KLC2: variants seen among roughly 807,000 people sequenced by gnomAD.
The protein encoded by KLC2 is kinesin light chain 2.
KLC2 carries 35 observed loss-of-function variants against 75.1 expected under a neutral mutation model. The observed-to-expected ratio is 0.47, with a 90% confidence interval of 0.36 to 0.62. The LOEUF (loss-of-function observed/expected upper bound fraction) is 0.62. Ranked by LOEUF, KLC2 falls within the 20% of genes least tolerant of loss-of-function variation. KLC2 has a pLI of 0.00. For missense variants in KLC2, 611 were observed against 833.2 expected (o/e 0.73, Z 3.28); for synonymous variants, 314 against 336.7 (o/e 0.93, Z 0.74).
chr11:66,261,559 A>G (rs1856419618), intron 2 of KLC2, 183 bp from the exon 3 acceptor site: 4 of 582,272 alleles, frequency 6.9e-6, no homozygotes, highest in Non-Finnish European at 9.2e-6. Flanking sequence ...TGGGCTTTGC[A>G]TTATGGTGTG....
chr11:66,266,035 G>A, intron 13 of KLC2, 23 bp downstream of exon 13: 1 of 1,613,512 alleles, frequency 6.2e-7, no homozygotes, highest in South Asian at 1.1e-5. Flanking sequence ...CCTGGGCCGG[G>A]TCGGGCTGGG....
chr11:66,250,291 CATT>C, the KLC2 span, among the ~76,000 whole-genome samples: 1,176 of 144,270 alleles, frequency 8.2e-3, 12 homozygotes, highest in African/African-American at 0.026. Flanking sequence ...CCGCCGGACT[CATT>C]GTTGCAGTAT....
chr11:66,257,529 A>C (rs1447498956), upstream of KLC2: 3 of 152,096 alleles, frequency 2.0e-5, no homozygotes, highest in Non-Finnish European at 2.9e-5. Context: ...CCACACGCTG[A>C]GGCCCCGCGG....
At chr11:66,255,671 A>G (rs183509057), upstream of KLC2, among the ~76,000 whole-genome samples, 2 of 152,314 alleles carry the variant, frequency 1.3e-5, no homozygotes, top group East Asian at 3.9e-4. Flanking sequence ...AAGAAACAAC[A>G]GAAGTTGCTT....
At chr11:66,247,626 CTT>C in the KLC2 span, among the ~76,000 whole-genome samples, 2 of 147,296 alleles carry the variant, frequency 1.4e-5, no homozygotes, top group Admixed American at 6.8e-5. Context: ...TCCAACCCCT[CTT>C]TTTTTTTTTT....
At position 66,262,921 on chromosome 11, in the gene KLC2, C is replaced by T. The variant is rs781231869; in HGVS notation, c.637C>T (p.Arg213Cys). Residue 213 changes from arginine (R) to cysteine (C), a missense_variant, in exon 5 of 16, where the codon CGC (arginine) becomes TGC (cysteine). By Grantham distance (180) the Arg-to-Cys change is radical (BLOSUM62 -3). Coordinates refer to ENST00000394067, the MANE Select transcript of KLC2 (RefSeq NM_001318734.2). ...GGTGATCCAATACGCCTCACAGGGC[C>T]GCTACGAGGTAGCTGTGCCACTCTG... The part of the protein sequence containing the change: ...NLVIQYASQG[R>C]YEVAVPLCKQ... 7.4e-6 allele frequency: 12 copies of T among 1,613,934 alleles called. No homozygotes were observed. Among genetic ancestry groups the T allele is most frequent in the South Asian group, 2.2e-5 (2 of 91,062 alleles).
chr11:66,262,485 A>T (rs1450573485), intron 4 of KLC2: 2 of 548,658 alleles, frequency 3.6e-6, no homozygotes, highest in Non-Finnish European at 6.5e-6. Flanking sequence ...CCTCTGAAGG[A>T]GGCACATGCA....
chr11:66,252,732 T>C (rs1229727395), upstream of KLC2, among the ~76,000 whole-genome samples: 1 of 152,168 alleles, frequency 6.6e-6, no homozygotes, highest in Non-Finnish European at 1.5e-5. Flanking sequence ...CCCCAAGGCC[T>C]GCGGTCCCTC....
intron 4 of KLC2, 104 bp downstream of exon 4, chr11:66,262,296 T>C: frequency 1.1e-6 from 1 of 870,100 alleles, no homozygotes; most frequent in Admixed American, 2.0e-5. Flanking sequence ...CTTCTGATCA[T>C]GACATCCTAG....
intron 9 of KLC2, chr11:66,264,804 C>G (rs555065271): frequency 1.1e-4 from 66 of 592,434 alleles, no homozygotes; most frequent in Non-Finnish European, 1.8e-4. Context: ...GCCCATCATT[C>G]AGGCCTAGCA....
chr11:66,264,147 G>C lies in KLC2; in HGVS notation c.1044G>C (p.Arg348=). Reference sequence around the variant, plus strand: ...CTGAGGAGGTGGAATATTACTATCGGCGGGCACTGGAGATCTATGCTACAC... The same window carrying C: ...CTGAGGAGGTGGAATATTACTATCGCCGGGCACTGGAGATCTATGCTACAC... ...GKAEEVEYYY[R]RALEIYATRL... Residue 348 remains arginine (R), a synonymous_variant, in exon 8 of 16, where the codon CGG becomes CGC. Transcript: ENST00000394067. 1 of 1,579,786 alleles carries C rather than the reference G, an allele frequency of 6.3e-7. No individual in the cohort carries two copies. The highest frequency in any genetic ancestry group is 8.6e-7 in the Non-Finnish European group (1 of 1,161,674).
upstream of KLC2, among the ~76,000 whole-genome samples, chr11:66,255,019 C>T (rs150042615): frequency 6.6e-6 from 1 of 152,220 alleles, no homozygotes; most frequent in East Asian, 1.9e-4. Context: ...AGTTATTTCT[C>T]AAAAGATTTT....
At position 66,267,753 on chromosome 11, in the gene KLC2, G is replaced by C; in HGVS notation, c.*797G>C. On this transcript the variant is annotated 3_prime_UTR_variant, in exon 16 of 16. Coordinates refer to ENST00000394067, the MANE Select transcript of KLC2 (RefSeq NM_001318734.2). ...CCCACGCCTGCAGCTTCTCGCGAGG[G>C]GCGGCGACGGTCCCCTGGTGGCAGG... 1 of 459,082 alleles carries C rather than the reference G, an allele frequency of 2.2e-6. No homozygotes were observed. The highest frequency in any genetic ancestry group is 3.4e-5 in the East Asian group (1 of 29,094). The allele number at this position is 459,082 out of a possible 1,614,324, so 28.4% of individuals were successfully genotyped here.
Position 66,265,654 on chromosome 11 carries a change from G to A in KLC2, c.1335-1G>A, listed in dbSNP as rs543923023. ...GGAGTTTGAGACTGTCCCATCCACA[G>A]CCCCACAGTCAACACCACCCTGCGC... On this transcript the variant is annotated splice_acceptor_variant, in intron 11 of 15. Transcript: ENST00000394067. LOFTEE classifies it high-confidence loss of function. 1 of 1,611,170 alleles carries A rather than the reference G, an allele frequency of 6.2e-7. No homozygotes were observed. The highest frequency in any genetic ancestry group is 8.5e-7 in the Non-Finnish European group (1 of 1,178,310).
At position 66,267,044 on chromosome 11, in the gene KLC2, C is replaced by T. The variant is rs1856883853; in HGVS notation, c.*88C>T. 6.3e-7 allele frequency: 1 copy of T among 1,584,850 alleles called. No individual in the cohort carries two copies. The highest frequency in any genetic ancestry group is 1.1e-5 in the South Asian group (1 of 88,726). ...CGCATGGGCCTGCTGCTTGTCCCGC[C>T]TGTCTCTCCCACAGCCCCTGTCTTT... On this transcript the variant is annotated 3_prime_UTR_variant, in exon 16 of 16. Coordinates refer to ENST00000394067, the MANE Select transcript of KLC2 (RefSeq NM_001318734.2).
chr11:66,262,688 C>G, intron 4 of KLC2, 126 bp from the exon 5 acceptor site: 7 of 694,742 alleles, frequency 1.0e-5, no homozygotes, highest in Non-Finnish European at 1.5e-5. Flanking sequence ...AATGGGGAAA[C>G]TGAGAAAGAG....
chr11:66,262,228 G>C (rs201234694), intron 4 of KLC2, 36 bp downstream of exon 4: 1 of 1,565,782 alleles, frequency 6.4e-7, no homozygotes, highest in Admixed American at 1.7e-5. Context: ...GGGAAGGAAA[G>C]GTTGTGTGAA....
At chr11:66,261,516 G>A (rs952142669) in intron 2 of KLC2, 2 of 515,232 alleles carry the variant, frequency 3.9e-6, no homozygotes, top group African/African-American at 3.8e-5. Flanking sequence ...ATCCTAGAAG[G>A]AAGGAACTGG....
At chr11:66,266,539 C>A in intron 15 of KLC2, 49 bp downstream of exon 15, 1 of 1,544,934 alleles carries the variant, frequency 6.5e-7, no homozygotes, top group African/African-American at 1.4e-5. Context: ...GCCGGGGCTG[C>A]ATGCGTGCTG....
Sources: gnomAD v4.1 joint callset for allele counts (sites outside exome capture counted in the v4.1 genomes callset) on GRCh38, gnomAD v4.1.1 for gene constraint, MANE v1.5 for transcripts, NCBI Gene and HGNC (gene_info 2026-07-23, HGNC 2026-07-21) for gene names.